The following NDRG4 variants were observed in gnomAD, a reference collection of about 807,000 sequenced individuals.
NDRG4 encodes the protein protein NDRG4.
A neutral mutation model predicts 55.8 loss-of-function variants in NDRG4; 38 were observed. The observed-to-expected ratio is 0.68, with a 90% confidence interval of 0.53 to 0.89. NDRG4 has a LOEUF of 0.89. NDRG4 is among the 40% of genes least tolerant of loss of function. NDRG4 has a pLI of 0.00. For synonymous variants in NDRG4, 190 were observed against 182.7 expected, an observed-to-expected ratio of 1.04 and a Z score of -0.32; for missense variants, 455 against 468.6, an observed-to-expected ratio of 0.97 and a Z score of 0.27.
rs901536229 is a variant in NDRG4, at chr16:58,503,848, C to A, written c.72C>A (p.Gly24=). Residue 24 remains glycine (G), a synonymous_variant, in exon 2 of 15, where the codon GGC becomes GGA. Coordinates refer to ENST00000570248, the MANE Select transcript of NDRG4 (RefSeq NM_001242835.2). ...GCCTTCTGCATGTAGTGATCCGGGGCTCCCCCAAGGGGAACCGCCCAGCCA... is the reference window on the plus strand; with the variant it reads ...GCCTTCTGCATGTAGTGATCCGGGGATCCCCCAAGGGGAACCGCCCAGCCA... The part of the protein sequence containing the change: ...PYGLLHVVIR[G]SPKGNRPAIL... 6.2e-7 allele frequency: 1 copy of A among 1,613,892 alleles called. No individual in the cohort carries two copies. The highest frequency in any genetic ancestry group is 1.3e-5 in the African/African-American group (1 of 74,912).
At chr16:58,489,559 A>G (rs1214176402) in intron 2 of NDRG4, among the ~76,000 whole-genome samples, 1 of 151,784 alleles carries the variant, frequency 6.6e-6, no homozygotes, top group African/African-American at 2.4e-5. Flanking sequence ...TGGGTCTAAT[A>G]TTGAAACCCC....
chr16:58,508,926 C>T lies in NDRG4; in HGVS notation c.730-36C>T, dbSNP rs755595164. On this transcript the variant is annotated intron_variant, in intron 10 of 14. Coordinates refer to ENST00000570248, the MANE Select transcript of NDRG4 (RefSeq NM_001242835.2). ...CCTTGGCAATGGGGGTGGGGAGGGG[C>T]AGGGGCTGTTGCTGAAGCTGGCTCC... 3 of 1,608,844 alleles carry T rather than the reference C, an allele frequency of 1.9e-6. No individual in the cohort carries two copies. The African/African-American group carries it at 4.0e-5, about 21-fold the overall frequency.
At position 58,510,673 on chromosome 16, in the gene NDRG4, T is replaced by C; in HGVS notation, c.894T>C (p.Ser298=). ...YIAYLKDRRL[S]GGAVPSASMT... The stretch of plus-strand genomic sequence containing the variant: ...CGTACTTGAAGGACCGAAGGCTGAG[T>C]GGAGGAGCAGGTAGCCCCACGGCCC... Residue 298 remains serine, a synonymous_variant, in exon 14 of 15, where the codon AGT becomes AGC. Transcript: ENST00000570248. The C allele has an allele frequency of 6.5e-7, 1 of 1,535,844 alleles. No homozygotes were observed. The highest frequency in any genetic ancestry group is 8.7e-7 in the Non-Finnish European group (1 of 1,146,870).
chr16:58,490,308 G>A (rs2035628551), intron 2 of NDRG4, among the ~76,000 whole-genome samples: 1 of 151,900 alleles, frequency 6.6e-6, no homozygotes, highest in African/African-American at 2.4e-5. Flanking sequence ...TGCCTCTGTG[G>A]TCCAGCAGGG....
chr16:58,503,575 C>T, intron 1 of NDRG4: 1 of 847,078 alleles, frequency 1.2e-6, no homozygotes, highest in Non-Finnish European at 1.9e-6. Context: ...CCAGACCTTC[C>T]CCATGCAGAT....
intron 1 of NDRG4, among the ~76,000 whole-genome samples, chr16:58,476,415 A>C (rs11862356): frequency 0.14 from 20,767 of 152,222 alleles, 2,191 homozygotes; most frequent in African/African-American, 0.3. Context: ...GTCCGTGCTT[A>C]ACACCTGGAG....
In NDRG4 at chr16:58,494,990, T is replaced by C. The variant is rs140621542; in HGVS notation, c.99T>C (p.Ala33=). ...AGAGCTCCGATGCCTTCCTCTTGGC[T>C]GCAGACACAGACTGGAAGGTAGGTC... Residue 33 remains alanine, a synonymous_variant, in exon 3 of 16, where the codon GCT becomes GCC. Transcript: ENST00000258187. 1.3e-5 allele frequency: 21 copies of C among 1,613,580 alleles called. No homozygotes were observed. The African/African-American group carries it at 2.3e-4, about 17-fold the overall frequency.
chr16:58,510,280 G>A (rs2038630927), intron 13 of NDRG4, among the ~76,000 whole-genome samples: 1 of 152,234 alleles, frequency 6.6e-6, no homozygotes, highest in Admixed American at 6.5e-5. Flanking sequence ...GTCAGGCGCT[G>A]AGACGCGTTC....
chr16:58,505,713 C>CTTTTTTTTTTTTT (rs1028370131), intron 5 of NDRG4, among the ~76,000 whole-genome samples: 8 of 58,658 alleles, frequency 1.4e-4, no homozygotes, highest in African/African-American at 4.6e-4. Flanking sequence ...GCTTCATTTT[C>CTTTTTTTTTTTTT]TTTTTTTTTT....
At chr16:58,506,183 A>C in intron 5 of NDRG4, 1 of 616,622 alleles carries the variant, frequency 1.6e-6, no homozygotes, top group Non-Finnish European at 2.9e-6. Context: ...GGTGGAAACA[A>C]TGATAGAGAT....
intron 5 of NDRG4, among the ~76,000 whole-genome samples, chr16:58,505,173 C>T (rs1471587807): frequency 1.3e-5 from 2 of 152,070 alleles, no homozygotes; most frequent in Middle Eastern, 6.8e-3. Context: ...CACGGTGAAA[C>T]CCAGTCTCTA....
intron 2 of NDRG4, among the ~76,000 whole-genome samples, chr16:58,491,594 G>A (rs1422512583): frequency 6.6e-6 from 1 of 151,962 alleles, no homozygotes; most frequent in Non-Finnish European, 1.5e-5. Flanking sequence ...CCAAGTAGCT[G>A]GGATTACAGG....
rs1308092134 is a variant in NDRG4, at chr16:58,500,253, C to T, written c.5C>T (p.Pro2Leu). The T allele has an allele frequency of 3.3e-6, 5 of 1,535,894 alleles. No homozygotes were observed. Among genetic ancestry groups the T allele is most frequent in the East Asian group, 4.9e-5 (2 of 40,922 alleles). The change falls in exon 1 of 15, where the codon CCG becomes CTG. Residue 2 changes from proline to leucine, a missense_variant. By Grantham distance (98) the Pro-to-Leu change is moderately conservative (BLOSUM62 -3). Coordinates refer to ENST00000570248, the MANE Select transcript of NDRG4 (RefSeq NM_001242835.2). The stretch of plus-strand genomic sequence containing the variant: ...CGGGTTCCCTCCCTCGGCAAGATGC[C>T]GGAGTGCTGGGATGGGGTGAGTGAG... M[P>L]ECWDGEHDIE...
chr16:58,480,277 C>T (rs1032901880), intron 1 of NDRG4, among the ~76,000 whole-genome samples: 3 of 152,194 alleles, frequency 2.0e-5, no homozygotes, highest in Non-Finnish European at 2.9e-5. Flanking sequence ...CCTGCCACCA[C>T]GCCCGGCTAA....
intron 2 of NDRG4, among the ~76,000 whole-genome samples, chr16:58,488,269 C>T (rs2035361379): frequency 6.6e-6 from 1 of 152,210 alleles, no homozygotes; most frequent in Non-Finnish European, 1.5e-5. Context: ...CCTCCCAAGC[C>T]TCTGCGGCAC....
rs768725264 is a variant in NDRG4, at chr16:58,511,555, C to T, written c.1038C>T (p.His346=). 6.2e-7 allele frequency: 1 copy of T among 1,613,066 alleles called. No individual in the cohort carries two copies. Among genetic ancestry groups the T allele is most frequent in the South Asian group, 1.1e-5 (1 of 91,090 alleles). The change falls in exon 15 of 15, where the codon CAC becomes CAT. Residue 346 remains histidine (H), a synonymous_variant. Transcript: ENST00000570248. ...ESSEGLGQVN[H]TMEVSC ...GCGAGGGGCTGGGCCAGGTCAACCA[C>T]ACCATGGAGGTGTCCTGTTGAAGCC...
chr16:58,489,832 C>CTTCT (rs1039266906), intron 2 of NDRG4, among the ~76,000 whole-genome samples: 15 of 152,102 alleles, frequency 9.9e-5, no homozygotes, highest in African/African-American at 3.1e-4. Flanking sequence ...CTGTCTTTTC[C>CTTCT]TTCTTTCTTT....
chr16:58,474,441 C>T lies in NDRG4; in HGVS notation c.-24+10644C>T, dbSNP rs116756313. On this transcript the variant is annotated intron_variant, in intron 1 of 15. Coordinates refer to the NDRG4 transcript ENST00000258187. Reference sequence around the variant, plus strand: ...TTCCCCCTGCCCTGAGTGCCCTTCCCGGACATCCCAACGCTCGCTCCTGGA... The same window carrying T: ...TTCCCCCTGCCCTGAGTGCCCTTCCTGGACATCCCAACGCTCGCTCCTGGA... Among the ~76,000 whole-genome samples the T allele has an allele frequency of 6.3e-3, 952 of 152,258 alleles. 17 individuals carry two copies. The highest frequency in any genetic ancestry group is 0.022 in the African/African-American group (893 of 41,532).
upstream of NDRG4, among the ~76,000 whole-genome samples, chr16:58,496,356 C>T (rs1337157785): frequency 2.0e-5 from 3 of 152,076 alleles, no homozygotes; most frequent in South Asian, 6.2e-4. Flanking sequence ...TGGTAAAAGG[C>T]AGGTTGCATT....
Sources: gnomAD v4.1 joint callset for allele counts (sites outside exome capture counted in the v4.1 genomes callset) on GRCh38, gnomAD v4.1.1 for gene constraint, MANE v1.5 for transcripts, NCBI Gene and HGNC (gene_info 2026-07-23, HGNC 2026-07-21) for gene names.